Variants in FRMD3 observed in about 807,000 individuals in gnomAD.
The protein encoded by FRMD3 is FERM domain-containing protein 3.
In FRMD3, 33 loss-of-function variants were observed where a neutral mutation model predicts 70.2. The observed-to-expected ratio is 0.47, with a 90% confidence interval of 0.36 to 0.63. FRMD3 has a LOEUF of 0.63. Among genes scored for constraint, FRMD3 ranks in the 20% least tolerant of loss-of-function variants. FRMD3 has a pLI of 0.00. For missense variants in FRMD3, 632 were observed against 711.4 expected (o/e 0.89, Z 1.27); for synonymous variants, 279 against 255.9 (o/e 1.09, Z -0.86).
chr9:83,429,733 T>C (rs1221312342), intron 1 of FRMD3, among the ~76,000 whole-genome samples: 2 of 152,152 alleles, frequency 1.3e-5, no homozygotes, highest in African/African-American at 4.8e-5. Context: ...TAACAATTTT[T>C]CTCTCTCTCT....
intron 3 of FRMD3, chr9:83,350,938 A>C: frequency 2.6e-6 from 2 of 767,402 alleles, no homozygotes; most frequent in Middle Eastern, 1.3e-3. Flanking sequence ...TAAAATGAAC[A>C]TCTTAAATCA....
intron 1 of FRMD3, among the ~76,000 whole-genome samples, chr9:83,493,186 A>T (rs1025154528): frequency 6.6e-6 from 1 of 152,076 alleles, no homozygotes; most frequent in African/African-American, 2.4e-5. Flanking sequence ...GTTGGAAGGG[A>T]GGAGGGAGCA....
intron 1 of FRMD3, among the ~76,000 whole-genome samples, chr9:83,459,384 C>G (rs977787359): frequency 6.6e-6 from 1 of 152,242 alleles, no homozygotes; most frequent in East Asian, 1.9e-4. Flanking sequence ...CCATGACTCA[C>G]ATGCTCTCAG....
intron 1 of FRMD3, among the ~76,000 whole-genome samples, chr9:83,457,607 A>C (rs921648134): frequency 6.6e-6 from 1 of 152,242 alleles, no homozygotes; most frequent in African/African-American, 2.4e-5. Context: ...AATGCTATGT[A>C]AATAGTTGTT....
At chr9:83,576,155 T>C in the FRMD3 span, among the ~76,000 whole-genome samples, 4 of 152,128 alleles carry the variant, frequency 2.6e-5, no homozygotes, top group African/African-American at 9.7e-5. Flanking sequence ...AACGAAATAC[T>C]AGCAAACAAA....
intron 13 of FRMD3, 117 bp downstream of exon 13, chr9:83,290,486 G>A (rs960055056): frequency 2.6e-6 from 3 of 1,132,492 alleles, no homozygotes; most frequent in South Asian, 1.3e-5. Flanking sequence ...CATAGTTTAT[G>A]GCCCACTCCA....
the FRMD3 span, among the ~76,000 whole-genome samples, chr9:83,550,343 C>T: frequency 1.3e-5 from 2 of 152,272 alleles, no homozygotes; most frequent in African/African-American, 4.8e-5. Context: ...GTTTTGGTCA[C>T]TGTAGACTTG....
At chr9:83,301,151 G>A (rs373799960) in intron 10 of FRMD3, among the ~76,000 whole-genome samples, 5 of 152,142 alleles carry the variant, frequency 3.3e-5, no homozygotes, top group African/African-American at 1.2e-4. Context: ...CCCTGGGGGG[G>A]GCCCTGCAGT....
intron 1 of FRMD3, among the ~76,000 whole-genome samples, chr9:83,498,039 T>A (rs973375685): frequency 6.6e-6 from 1 of 152,064 alleles, no homozygotes; most frequent in African/African-American, 2.4e-5. Context: ...TCCCAGCTCC[T>A]TGGGAGGCTG....
chr9:83,416,998 C>T (rs1205946475), intron 1 of FRMD3, among the ~76,000 whole-genome samples: 1 of 152,130 alleles, frequency 6.6e-6, no homozygotes, highest in Non-Finnish European at 1.5e-5. Context: ...ACTCCTTTCT[C>T]CTTTCACCCA....
chr9:83,249,839 C>T (rs1318882403), intron 13 of FRMD3, among the ~76,000 whole-genome samples: 1 of 152,092 alleles, frequency 6.6e-6, no homozygotes, highest in Non-Finnish European at 1.5e-5. Context: ...TAGAACCCTG[C>T]ATATTGCCAG....
intron 13 of FRMD3, among the ~76,000 whole-genome samples, chr9:83,253,689 T>C (rs1002941062): frequency 6.6e-6 from 1 of 152,216 alleles, no homozygotes; most frequent in Non-Finnish European, 1.5e-5. Context: ...AATTCAACCA[T>C]TGTGGAAGAC....
chr9:83,391,186 C>T (rs1825656675), intron 1 of FRMD3, among the ~76,000 whole-genome samples: 1 of 152,196 alleles, frequency 6.6e-6, no homozygotes, highest in South Asian at 2.1e-4. Flanking sequence ...TTTTAACTTC[C>T]TTCCTGAGAA....
chr9:83,518,351 AAACT>A (rs1437322464), intron 1 of FRMD3, among the ~76,000 whole-genome samples: 1 of 152,184 alleles, frequency 6.6e-6, no homozygotes, highest in Non-Finnish European at 1.5e-5. Context: ...AATAATAGAC[AAACT>A]GAGAGCCAAA....
intron 1 of FRMD3, among the ~76,000 whole-genome samples, chr9:83,413,339 T>C (rs534286468): frequency 2.6e-5 from 4 of 152,300 alleles, no homozygotes; most frequent in South Asian, 2.1e-4. Flanking sequence ...CTGAGCAGAA[T>C]GGAAGGTCCT....
chr9:83,508,767 C>T (rs78709335), intron 1 of FRMD3, among the ~76,000 whole-genome samples: 6,984 of 152,246 alleles, frequency 0.046, 243 homozygotes, highest in South Asian at 0.1. Flanking sequence ...CAGCCTTCAC[C>T]TATTTCTGAA....
chr9:83,570,695 A>G, the FRMD3 span, among the ~76,000 whole-genome samples: 7 of 152,332 alleles, frequency 4.6e-5, no homozygotes, highest in South Asian at 6.2e-4. Context: ...TGAGAACTCA[A>G]TAAAGAATTC....
At chr9:83,393,361 G>C (rs534827939) in intron 1 of FRMD3, among the ~76,000 whole-genome samples, 3 of 152,306 alleles carry the variant, frequency 2.0e-5, no homozygotes, top group African/African-American at 7.2e-5. Flanking sequence ...CATGAACAGT[G>C]CATGACTGGT....
At chr9:83,508,764 C>G (rs1829263827) in intron 1 of FRMD3, among the ~76,000 whole-genome samples, 1 of 152,170 alleles carries the variant, frequency 6.6e-6, no homozygotes, top group Non-Finnish European at 1.5e-5. Flanking sequence ...TCCCAGCCTT[C>G]ACCTATTTCT....
Sources: gnomAD v4.1 joint callset for allele counts (sites outside exome capture counted in the v4.1 genomes callset) on GRCh38, gnomAD v4.1.1 for gene constraint, MANE v1.5 for transcripts, NCBI Gene and HGNC (gene_info 2026-07-23, HGNC 2026-07-21) for gene names.